Variants in NBAS observed in about 807,000 individuals in gnomAD.
NBAS encodes the protein NBAS subunit of NRZ tethering complex, also known as NAG/BC035112 fusion.
In NBAS, 219 loss-of-function variants were observed where a neutral mutation model predicts 302.5. The ratio of observed to expected loss-of-function variants is 0.72; its 90% CI spans 0.65 to 0.81. The LOEUF is 0.81. NBAS is among the 30% of genes least tolerant of loss of function. The pLI is 0.00. For missense variants in NBAS, 2,932 were observed against 2,841.6 expected, an observed-to-expected ratio of 1.03 and a Z score of -0.72; for synonymous variants, 1,118 against 1,021.6, an observed-to-expected ratio of 1.09 and a Z score of -1.80.
chr2:15,341,863 T>C (rs1458502238), intron 35 of NBAS, among the ~76,000 whole-genome samples: 1 of 152,178 alleles, frequency 6.6e-6, no homozygotes, highest in Non-Finnish European at 1.5e-5. Context: ...CAGACCTATA[T>C]GCTCACTAAA....
At chr2:15,328,126 AT>A (rs1310895043) in intron 37 of NBAS, 72 bp downstream of exon 37, 1 of 1,427,124 alleles carries the variant, frequency 7.0e-7, no homozygotes, top group African/African-American at 1.4e-5. Context: ...TTTCAAGAAA[AT>A]TTTAGTTTTT....
the NBAS span, among the ~76,000 whole-genome samples, chr2:14,785,359 G>A: frequency 6.6e-6 from 1 of 151,750 alleles, no homozygotes. Flanking sequence ...ACACTATGTT[G>A]AATAGGAGTG....
intron 51 of NBAS, among the ~76,000 whole-genome samples, chr2:15,171,861 C>T (rs1211415388): frequency 2.6e-5 from 4 of 152,316 alleles, no homozygotes; most frequent in East Asian, 1.9e-4. Context: ...AGTGAGAAGG[C>T]GGCCGTCGAC....
At chr2:15,317,373 T>C (rs1188008400) in intron 38 of NBAS, among the ~76,000 whole-genome samples, 2 of 152,266 alleles carry the variant, frequency 1.3e-5, no homozygotes, top group Non-Finnish European at 2.9e-5. Flanking sequence ...TCACCAGCAA[T>C]GGAACAAAGA....
At chr2:14,812,259 G>A in the NBAS span, among the ~76,000 whole-genome samples, 1 of 152,118 alleles carries the variant, frequency 6.6e-6, no homozygotes, top group African/African-American at 2.4e-5. Flanking sequence ...AAGACCAAAT[G>A]GAAGTGTTTA....
chr2:15,110,025 A>ATT, the NBAS span, among the ~76,000 whole-genome samples: 16,991 of 152,070 alleles, frequency 0.11, 1,373 homozygotes, highest in African/African-American at 0.22. Flanking sequence ...CAGTAAAATA[A>ATT]TTTTTAAGTG....
chr2:15,520,296 G>A (rs1662601972), intron 9 of NBAS, among the ~76,000 whole-genome samples: 1 of 152,158 alleles, frequency 6.6e-6, no homozygotes. Flanking sequence ...CAGTTACTCA[G>A]AAGGCTGAGG....
At chr2:15,370,057 C>G (rs897598246) in intron 31 of NBAS, among the ~76,000 whole-genome samples, 2 of 152,166 alleles carry the variant, frequency 1.3e-5, no homozygotes, top group African/African-American at 4.8e-5. Context: ...ACTTAGCTGA[C>G]CAGTAGGAGG....
At chr2:15,463,267 C>T (rs1471166319) in intron 19 of NBAS, among the ~76,000 whole-genome samples, 1 of 152,086 alleles carries the variant, frequency 6.6e-6, no homozygotes, top group Non-Finnish European at 1.5e-5. Flanking sequence ...GAGCAAGACC[C>T]CGTTTCACAA....
At chr2:15,430,270 C>T (rs975734872) in intron 21 of NBAS, among the ~76,000 whole-genome samples, 2 of 152,096 alleles carry the variant, frequency 1.3e-5, no homozygotes, top group African/African-American at 4.8e-5. Context: ...ATATAATATA[C>T]ATATTTTTTA....
chr2:15,239,286 T>C (rs182462759), intron 44 of NBAS, among the ~76,000 whole-genome samples: 2 of 152,148 alleles, frequency 1.3e-5, no homozygotes, highest in Admixed American at 1.3e-4. Context: ...CTTCAAACTA[T>C]ATCTGCATAT....
At chr2:15,549,202 T>A (rs1156648451) in intron 6 of NBAS, among the ~76,000 whole-genome samples, 1 of 152,062 alleles carries the variant, frequency 6.6e-6, no homozygotes. Context: ...CTCAGAGAGG[T>A]AACTTGCCCG....
At chr2:15,031,141 G>A in the NBAS span, among the ~76,000 whole-genome samples, 1 of 152,196 alleles carries the variant, frequency 6.6e-6, no homozygotes, top group African/African-American at 2.4e-5. Context: ...ATCATTGGCT[G>A]TCAAAAAATA....
chr2:14,831,297 T>C, the NBAS span, among the ~76,000 whole-genome samples: 1 of 152,178 alleles, frequency 6.6e-6, no homozygotes, highest in African/African-American at 2.4e-5. Flanking sequence ...GGACAGAAAC[T>C]TCCTGTTTTA....
chr2:14,902,038 C>T, the NBAS span, among the ~76,000 whole-genome samples: 2 of 152,222 alleles, frequency 1.3e-5, no homozygotes, highest in African/African-American at 4.8e-5. Flanking sequence ...TTGTGACTAC[C>T]TCCCAAGCTT....
the NBAS span, among the ~76,000 whole-genome samples, chr2:14,786,004 T>A: frequency 4.9e-3 from 751 of 152,302 alleles, 4 homozygotes; most frequent in African/African-American, 0.017. Context: ...TCAGAGCCTG[T>A]TATTGGTCTA....
chr2:15,457,787 C>G (rs575092256), intron 21 of NBAS, among the ~76,000 whole-genome samples: 10 of 152,292 alleles, frequency 6.6e-5, no homozygotes, highest in African/African-American at 9.6e-5. Flanking sequence ...TTCAAAGAAC[C>G]CTCACAACGG....
chr2:15,322,390 A>T (rs1671851401), intron 38 of NBAS, among the ~76,000 whole-genome samples: 2 of 151,916 alleles, frequency 1.3e-5, no homozygotes, highest in African/African-American at 2.4e-5. Flanking sequence ...AGTATAATAA[A>T]AAATAAATAA....
intron 50 of NBAS, among the ~76,000 whole-genome samples, chr2:15,181,881 A>G (rs1664842164): frequency 1.3e-5 from 2 of 152,222 alleles, no homozygotes; most frequent in Admixed American, 1.3e-4. Flanking sequence ...GGCACAAGGT[A>G]TGCAGGGATT....
Sources: gnomAD v4.1 joint callset for allele counts (sites outside exome capture counted in the v4.1 genomes callset) on GRCh38, gnomAD v4.1.1 for gene constraint, MANE v1.5 for transcripts, NCBI Gene and HGNC (gene_info 2026-07-23, HGNC 2026-07-21) for gene names.